Variants in MLF2 observed in about 807,000 individuals in gnomAD.
MLF2 encodes myeloid leukemia factor 2, also known as myelodysplasia-myeloid leukemia factor 2.
A neutral mutation model predicts 31.4 loss-of-function variants in MLF2; 12 were observed. The observed-to-expected ratio is 0.38, with a 90% CI of 0.24 to 0.62. The LOEUF is 0.62. Among genes scored for constraint, MLF2 ranks in the 20% least tolerant of loss-of-function variants. MLF2 has a pLI of 0.58. For synonymous variants in MLF2, 109 were observed against 118.8 expected (o/e 0.92, Z 0.54); for missense variants, 272 against 359.7 (o/e 0.76, Z 1.97).
chr12:6,752,428 G>GT lies in MLF2; in HGVS notation c.-28-67_-28-66insA. On this transcript the variant is annotated intron_variant, in intron 1 of 8. Transcript: ENST00000203630. The surrounding 1 kb of genome is among the most constrained non-coding windows in gnomAD (Gnocchi z 4.6). ...GGTTTTGCACACCCACTCAGTGTGGGGACTCTCAGAGCACTGTCCTTTCCA... is the reference window on the plus strand; with the variant it reads ...GGTTTTGCACACCCACTCAGTGTGGGTGACTCTCAGAGCACTGTCCTTTCCA... The GT allele has an allele frequency of 1.5e-6, 2 of 1,316,332 alleles. No individual in the cohort carries two copies. Among genetic ancestry groups the GT allele is most frequent in the Non-Finnish European group, 2.1e-6 (2 of 940,258 alleles). The allele number at this position is 1,316,332 out of a possible 1,614,324, so 81.5% of individuals were successfully genotyped here.
In MLF2 at chr12:6,750,494, A is replaced by C. The variant is rs532301060; in HGVS notation, c.271-189T>G. 1.1e-6 allele frequency: 1 copy of C among 897,846 alleles called. No individual in the cohort carries two copies. 55.6% of individuals were successfully genotyped at this position (897,846 alleles called of 1,614,324 possible). On this transcript the variant is annotated intron_variant, in intron 5 of 8. Transcript: ENST00000203630. This position sits in a 1 kb window ranked among gnomAD's most constrained non-coding sequence, Gnocchi z 5.3. ...AACCACGAGCAAGAAGGACCTGAAG[A>C]GACAGGGCCTTAATTGTATGCTACG...
rs750577674 is a variant in MLF2, at chr12:6,751,939, G to A, written c.166C>T (p.Arg56Cys). ...AGCATCATTACCTGCTGCATCCGGC[G>A]GCTGGCAGGCCTGGTCCCTGGCATG... is the stretch of plus-strand genomic sequence containing the variant. ...GNMPGTRPAS[R>C]RMQQAGAVSP... is the part of the protein sequence containing the mutation. Residue 56 changes from arginine (R) to cysteine (C), a missense_variant, in exon 3 of 9, where the codon CGC becomes TGC. By Grantham distance (180) the Arg-to-Cys change is radical (BLOSUM62 -3). Transcript: ENST00000203630. The A allele has an allele frequency of 1.2e-6, 2 of 1,614,188 alleles. No homozygotes were observed. Among genetic ancestry groups the A allele is most frequent in the Non-Finnish European group, 1.7e-6 (2 of 1,180,040 alleles).
At position 6,750,354 on chromosome 12, in the gene MLF2, T is replaced by C. The variant is rs766447479; in HGVS notation, c.271-49A>G. The stretch of plus-strand genomic sequence containing the variant: ...GGGCTGAATGGGGAGGCATCACCCC[T>C]GGTGAAGGGATTTCACCCTTCAGCT... On this transcript the variant is annotated intron_variant, in intron 5 of 8. Coordinates refer to ENST00000203630, the MANE Select transcript of MLF2 (RefSeq NM_001382226.1). The surrounding 1 kb of genome is among the most constrained non-coding windows in gnomAD (Gnocchi z 5.3). 1.3e-6 allele frequency: 2 copies of C among 1,594,984 alleles called. No individual in the cohort carries two copies. The highest frequency in any genetic ancestry group is 1.7e-6 in the Non-Finnish European group (2 of 1,169,066).
chr12:6,748,906 C>A lies in MLF2; in HGVS notation c.636G>T (p.Arg212=). The change falls in exon 8 of 9, where the codon CGG becomes CGT. Residue 212 remains arginine, a synonymous_variant. Coordinates refer to ENST00000203630, the MANE Select transcript of MLF2 (RefSeq NM_001382226.1). This position sits in a 1 kb window ranked among gnomAD's most constrained non-coding sequence, Gnocchi z 4.6. ...CCCCAGCCCCTGAGGACTCAAGCCG[C>A]CGAAACTCCAGGGGACGCTGCTGCC... ...RFRQQRPLEF[R]RLESSGAGGR... The A allele has an allele frequency of 6.2e-7, 1 of 1,602,552 alleles. No individual in the cohort carries two copies. Among genetic ancestry groups the A allele is most frequent in the African/African-American group, 1.3e-5 (1 of 74,092 alleles).
rs1012050403 is a variant in MLF2, at chr12:6,752,524, G to A, written c.-28-162C>T. 3 of 589,608 alleles carry A rather than the reference G, an allele frequency of 5.1e-6. No individual in the cohort carries two copies. Among genetic ancestry groups the A allele is most frequent in the Admixed American group, 3.1e-5 (1 of 32,030 alleles). 36.5% of individuals were successfully genotyped at this position (589,608 alleles called of 1,614,324 possible). ...GTGTTCCACACAACCCTCTAGGGAG[G>A]GAAGGGCTCTTCAAACCTCTTTCTC... On this transcript the variant is annotated intron_variant, in intron 1 of 8. Transcript: ENST00000203630. This position sits in a 1 kb window ranked among gnomAD's most constrained non-coding sequence, Gnocchi z 4.6.
chr12:6,748,696 G>T lies in MLF2; in HGVS notation c.*25+74C>A. ...ACTACCAAAGGCAGCTCCTGCGGGA[G>T]CCTGAACTGAGCCTGCCTTGCAGCC... On this transcript the variant is annotated intron_variant, in intron 8 of 8. Coordinates refer to ENST00000203630, the MANE Select transcript of MLF2 (RefSeq NM_001382226.1). This position sits in a 1 kb window ranked among gnomAD's most constrained non-coding sequence, Gnocchi z 4.6. The T allele has an allele frequency of 1.7e-6, 2 of 1,179,310 alleles. No homozygotes were observed. The highest frequency in any genetic ancestry group is 1.8e-5 in the South Asian group (1 of 56,546). The allele number at this position is 1,179,310 out of a possible 1,614,324, so 73.1% of individuals were successfully genotyped here.
intron 4 of MLF2, 47 bp downstream of exon 4, chr12:6,751,594 T>C: frequency 6.3e-7 from 1 of 1,585,160 alleles, no homozygotes; most frequent in Non-Finnish European, 8.7e-7. Context: ...TATCTAAGGG[T>C]AGAGAGTGTG....
At position 6,749,999 on chromosome 12, in the gene MLF2, C is replaced by G. The variant is rs758065414; in HGVS notation, c.408G>C (p.Glu136Asp). 6.2e-7 allele frequency: 1 copy of G among 1,614,082 alleles called. No homozygotes were observed. The highest frequency in any genetic ancestry group is 1.3e-5 in the African/African-American group (1 of 74,938). ...CTGAATCCCGAACAGTCCTCCGTGT[C>G]TCCCGGATCTGGGATGAGGCAGAAC... is the stretch of plus-strand genomic sequence containing the variant. ...EMRSAPGGIR[E>D]TRRTVRDSDS... The change falls in exon 7 of 9, where the codon GAG becomes GAC. Residue 136 changes from glutamate (E) to aspartate (D), a missense_variant. Coordinates refer to ENST00000203630, the MANE Select transcript of MLF2 (RefSeq NM_001382226.1). This position sits in a 1 kb window ranked among gnomAD's most constrained non-coding sequence, Gnocchi z 5.3.
In MLF2 at chr12:6,752,335, C is replaced by CCG; in HGVS notation, c.-2_-1insCG. On this transcript the variant is annotated 5_prime_UTR_variant, in exon 2 of 9. Coordinates refer to ENST00000203630, the MANE Select transcript of MLF2 (RefSeq NM_001382226.1). The surrounding 1 kb of genome is among the most constrained non-coding windows in gnomAD (Gnocchi z 4.6). ...CCACGTCCCTCATGAAGCGGAACAT[C>CCG]CTGATCTCAGCTCCAGGGGGCTCCA... 1 of 1,559,586 alleles carries CCG rather than the reference C, an allele frequency of 6.4e-7. No homozygotes were observed. The highest frequency in any genetic ancestry group is 8.7e-7 in the Non-Finnish European group (1 of 1,151,040).
Position 6,750,786 on chromosome 12 carries a change from AAC to A in MLF2, c.217-22_217-21del. 6 of 1,613,048 alleles carry A rather than the reference AAC, an allele frequency of 3.7e-6. No homozygotes were observed. Among genetic ancestry groups the A allele is most frequent in the Non-Finnish European group, 5.1e-6 (6 of 1,179,132 alleles). ...ACCCGACTGGAGGAAAGAGATGGAA[AAC>A]AGAGTCAGGAAAGCAAAGTCAGTGT... On this transcript the variant is annotated intron_variant, in intron 4 of 8. Coordinates refer to ENST00000203630, the MANE Select transcript of MLF2 (RefSeq NM_001382226.1). This position sits in a 1 kb window ranked among gnomAD's most constrained non-coding sequence, Gnocchi z 5.3.
chr12:6,748,457 G>A lies in MLF2; in HGVS notation c.*116C>T, dbSNP rs567875484. On this transcript the variant is annotated 3_prime_UTR_variant, in exon 9 of 9. Transcript: ENST00000203630. The surrounding 1 kb of genome is among the most constrained non-coding windows in gnomAD (Gnocchi z 4.6). Reference sequence around the variant, plus strand: ...AGACCCCCAGGGAGAGGTGGGGGCCGGCTTGCCTGTTAATTTAATATTAAA... The same window carrying A: ...AGACCCCCAGGGAGAGGTGGGGGCCAGCTTGCCTGTTAATTTAATATTAAA... 19 of 214,756 alleles carry A rather than the reference G, an allele frequency of 8.8e-5. No individual in the cohort carries two copies. Among genetic ancestry groups the A allele is most frequent in the Middle Eastern group, 1.6e-3 (1 of 638 alleles). 13.3% of individuals were successfully genotyped at this position (214,756 alleles called of 1,614,324 possible).
In MLF2 at chr12:6,752,583, C is replaced by T. The variant is rs7954055; in HGVS notation, c.-28-221G>A. The T allele has an allele frequency of 5.6e-4, 266 of 470,826 alleles. 2 individuals are homozygous for T. Among genetic ancestry groups the T allele is most frequent in the African/African-American group, 4.5e-3 (232 of 51,370 alleles). 29.2% of individuals were successfully genotyped at this position (470,826 alleles called of 1,614,324 possible). A position where few individuals can be genotyped will look rare whatever the true frequency, so the allele number is the denominator to read the frequency against. ...CCATGGAAAATTTTTCCAACCCTCTCGGTTTTTCCCTCCCCCACTCAGAGC... is the reference window on the plus strand; with the variant it reads ...CCATGGAAAATTTTTCCAACCCTCTTGGTTTTTCCCTCCCCCACTCAGAGC... On this transcript the variant is annotated intron_variant, in intron 1 of 8. Transcript: ENST00000203630. This position sits in a 1 kb window ranked among gnomAD's most constrained non-coding sequence, Gnocchi z 4.6.
Position 6,748,870 on chromosome 12 carries a change from C to T in MLF2, c.672G>A (p.Ala224=), listed in dbSNP as rs75658826. Residue 224 remains alanine, a synonymous_variant, in exon 8 of 9, where the codon GCG becomes GCA. Coordinates refer to ENST00000203630, the MANE Select transcript of MLF2 (RefSeq NM_001382226.1). This position sits in a 1 kb window ranked among gnomAD's most constrained non-coding sequence, Gnocchi z 4.6. ...GGATGGCCAGGCGGGGAGGCCCCTC[C>T]GCCCTTCGTCCCCCAGCCCCTGAGG... is the stretch of plus-strand genomic sequence containing the variant. The part of the protein sequence containing the change: ...LESSGAGGRR[A]EGPPRLAIQG... 4.5e-3 allele frequency: 7,184 copies of T among 1,596,518 alleles called. 153 individuals carry two copies. The African/African-American group carries it at 0.064, about 14-fold the overall frequency.
intron 4 of MLF2, 117 bp downstream of exon 4, chr12:6,751,524 A>T: frequency 8.1e-7 from 1 of 1,232,722 alleles, no homozygotes; most frequent in Non-Finnish European, 1.2e-6. Context: ...GAATGCCATA[A>T]AAAGAGAAGA....
chr12:6,749,639 C>T lies in MLF2; in HGVS notation c.559+209G>A, dbSNP rs772861458. ...CTGAGGCAGGAGAATTGCTTAAACC[C>T]GGGAGGCGGAGGTTGCAGTGAGCTG... On this transcript the variant is annotated intron_variant, in intron 7 of 8. Transcript: ENST00000203630. This position sits in a 1 kb window ranked among gnomAD's most constrained non-coding sequence, Gnocchi z 5.3. The T allele has an allele frequency of 2.8e-5, 16 of 581,032 alleles. No individual in the cohort carries two copies. The highest frequency in any genetic ancestry group is 1.3e-4 in the African/African-American group (7 of 53,506). 36.0% of individuals were successfully genotyped at this position (581,032 alleles called of 1,614,324 possible).
chr12:6,751,073 G>T, intron 4 of MLF2: 1 of 367,202 alleles, frequency 2.7e-6, no homozygotes, highest in Non-Finnish European at 5.1e-6. Flanking sequence ...AAGAGGTAAG[G>T]CATGAAATTG....
chr12:6,752,397 G>A lies in MLF2; in HGVS notation c.-28-35C>T. The A allele has an allele frequency of 1.3e-6, 2 of 1,532,176 alleles. No homozygotes were observed. Among genetic ancestry groups the A allele is most frequent in the South Asian group, 1.2e-5 (1 of 83,550 alleles). The allele number at this position is 1,532,176 out of a possible 1,614,324, so 94.9% of individuals were successfully genotyped here. On this transcript the variant is annotated intron_variant, in intron 1 of 8. Coordinates refer to ENST00000203630, the MANE Select transcript of MLF2 (RefSeq NM_001382226.1). The surrounding 1 kb of genome is among the most constrained non-coding windows in gnomAD (Gnocchi z 4.6). ...TATGGAAGCTCAGATACTTGGAGGT[G>A]GCCAGGGTTTTGCACACCCACTCAG... is the stretch of plus-strand genomic sequence containing the variant.
chr12:6,753,019 A>C lies in MLF2; in HGVS notation c.-109T>G. 5 of 338,918 alleles carry C rather than the reference A, an allele frequency of 1.5e-5. No individual in the cohort carries two copies. The highest frequency in any genetic ancestry group is 4.8e-5 in the Admixed American group (1 of 20,722). The allele number at this position is 338,918 out of a possible 1,614,324, so 21.0% of individuals were successfully genotyped here. Reference sequence around the variant, plus strand: ...TGCAGGGTCAGGGTCGCGGCCCGGAACGTGGGGATTGGTCCGGGCTTGAGC... The same window carrying C: ...TGCAGGGTCAGGGTCGCGGCCCGGACCGTGGGGATTGGTCCGGGCTTGAGC... On this transcript the variant is annotated 5_prime_UTR_variant, in exon 1 of 9. Coordinates refer to ENST00000203630, the MANE Select transcript of MLF2 (RefSeq NM_001382226.1).
chr12:6,752,700 C>T lies in MLF2; in HGVS notation c.-29+239G>A, dbSNP rs1941634293. ...GATGAGAATGCCAAGTGCAGGTCCT[C>T]CGCCCCATTAATGACCCCAGTCACC... On this transcript the variant is annotated intron_variant, in intron 1 of 8. Transcript: ENST00000203630. This position sits in a 1 kb window ranked among gnomAD's most constrained non-coding sequence, Gnocchi z 4.6. 4.8e-6 allele frequency: 1 copy of T among 206,346 alleles called. No individual in the cohort carries two copies. Among genetic ancestry groups the T allele is most frequent in the Non-Finnish European group, 9.8e-6 (1 of 101,566 alleles). 12.8% of individuals were successfully genotyped at this position (206,346 alleles called of 1,614,324 possible). A position where few individuals can be genotyped will look rare whatever the true frequency, so the allele number is the denominator to read the frequency against.
Sources: gnomAD v4.1 joint callset for allele counts on GRCh38, gnomAD v4.1.1 for gene constraint, Gnocchi (gnomAD v3.1) non-coding constraint, MANE v1.5 for transcripts, NCBI Gene and HGNC (gene_info 2026-07-23, HGNC 2026-07-21) for gene names.